Variants in MAEA observed in about 807,000 individuals in gnomAD.
MAEA encodes the protein macrophage erythroblast attacher, E3 ubiquitin ligase.
MAEA carries 22 observed loss-of-function variants against 46.2 expected under a neutral mutation model. The observed-to-expected ratio is 0.48, with a 90% CI of 0.34 to 0.68. The LOEUF is 0.68. Among genes scored for constraint, MAEA ranks in the 30% least tolerant of loss-of-function variants. The pLI is 0.01. For synonymous variants in MAEA, 246 were observed against 222.6 expected (o/e 1.11, Z -0.94); for missense variants, 393 against 558.1 (o/e 0.70, Z 2.98).
intron 3 of MAEA, 43 bp from the exon 4 acceptor site, chr4:1,322,338 T>C (rs766875404): frequency 6.2e-7 from 1 of 1,605,554 alleles, no homozygotes; most frequent in East Asian, 2.2e-5. Context: ...ATGGGGGCCT[T>C]GAGCCAGCAC....
At chr4:1,295,566 C>G (rs1734550374) in intron 1 of MAEA, among the ~76,000 whole-genome samples, 2 of 151,862 alleles carry the variant, frequency 1.3e-5, no homozygotes, top group South Asian at 4.1e-4. Context: ...TCATGCTCGC[C>G]CATGCCTGTC....
In MAEA at chr4:1,339,177, G is replaced by C. The variant is rs745621827; in HGVS notation, c.*8G>C. 1 of 1,611,188 alleles carries C rather than the reference G, an allele frequency of 6.2e-7. No homozygotes were observed. The highest frequency in any genetic ancestry group is 8.5e-7 in the Non-Finnish European group (1 of 1,177,698). On this transcript the variant is annotated 3_prime_UTR_variant, in exon 9 of 9. Coordinates refer to ENST00000303400, the MANE Select transcript of MAEA (RefSeq NM_001017405.3). ...AAGGTGTACATCATGTAGGCCCCACGTCGTGAAGCGCACGCCTCGGGGACG... is the reference window on the plus strand; with the variant it reads ...AAGGTGTACATCATGTAGGCCCCACCTCGTGAAGCGCACGCCTCGGGGACG...
intron 1 of MAEA, among the ~76,000 whole-genome samples, chr4:1,297,270 C>T (rs11931251): frequency 0.15 from 22,366 of 152,166 alleles, 3,125 homozygotes; most frequent in African/African-American, 0.33. Context: ...CTTGAGTCCA[C>T]GATGGCTGCT....
intron 1 of MAEA, among the ~76,000 whole-genome samples, chr4:1,301,226 G>A (rs188882216): frequency 6.6e-6 from 1 of 152,248 alleles, no homozygotes; most frequent in Non-Finnish European, 1.5e-5. Context: ...GCTGGAGAAG[G>A]TTTGAGGAAG....
chr4:1,295,417 T>G (rs1734534946), intron 1 of MAEA, among the ~76,000 whole-genome samples: 1 of 152,032 alleles, frequency 6.6e-6, no homozygotes, highest in African/African-American at 2.4e-5. Context: ...AAGCACCTGC[T>G]GTGCTGATGG....
chr4:1,315,713 T>TC, intron 3 of MAEA, 113 bp downstream of exon 3: 1 of 701,520 alleles, frequency 1.4e-6, no homozygotes, highest in South Asian at 1.7e-5. Flanking sequence ...TGTGTTCCCC[T>TC]CCCCCCACCC....
chr4:1,291,711 A>T (rs942023356), intron 1 of MAEA, among the ~76,000 whole-genome samples: 2 of 152,216 alleles, frequency 1.3e-5, no homozygotes, highest in African/African-American at 4.8e-5. Context: ...TTCATTGTGT[A>T]TTGAAGGAAC....
chr4:1,333,334 T>C (rs1441231192), intron 6 of MAEA, among the ~76,000 whole-genome samples: 1 of 151,466 alleles, frequency 6.6e-6, no homozygotes, highest in African/African-American at 2.4e-5. Context: ...GAGCAGGACC[T>C]TGTCTCCAAA....
chr4:1,330,395 G>T (rs1337197365), intron 5 of MAEA: 2 of 151,852 alleles, frequency 1.3e-5, no homozygotes, highest in African/African-American at 2.4e-5. Flanking sequence ...TCAGCTCACC[G>T]CAACCTCCGC....
intron 1 of MAEA, among the ~76,000 whole-genome samples, chr4:1,305,767 G>T (rs558012757): frequency 2.9e-5 from 2 of 68,896 alleles, no homozygotes; most frequent in Non-Finnish European, 1.0e-4. Flanking sequence ...ACGTGCGCAC[G>T]CGTGCGTGTA....
At chr4:1,309,763 G>T in intron 1 of MAEA, 3 of 1,479,392 alleles carry the variant, frequency 2.0e-6, no homozygotes, top group Non-Finnish European at 2.7e-6. Context: ...TAACCGTGGC[G>T]CGTTCTGGGC....
chr4:1,330,491 AT>A (rs59365533), intron 5 of MAEA: 64,643 of 150,982 alleles, frequency 0.43, 16,281 homozygotes, highest in Admixed American at 0.59. Flanking sequence ...TAATTTTTGT[AT>A]TTTTAGTAGA....
chr4:1,311,875 C>A lies in MAEA; in HGVS notation c.70-104C>A. 4.1e-6 allele frequency: 4 copies of A among 987,290 alleles called. No individual in the cohort carries two copies. Among genetic ancestry groups the A allele is most frequent in the Non-Finnish European group, 6.1e-6 (4 of 658,288 alleles). 61.2% of individuals were successfully genotyped at this position (987,290 alleles called of 1,614,324 possible). ...TGAGACCATGAACCTTCTGAGACTT[C>A]TGCCTCTACAAGTGCCATGAGGAGA... On this transcript the variant is annotated intron_variant, in intron 1 of 8. Transcript: ENST00000303400. The surrounding 1 kb of genome is among the most constrained non-coding windows in gnomAD (Gnocchi z 4.4).
At chr4:1,297,640 G>A (rs1444724761) in intron 1 of MAEA, among the ~76,000 whole-genome samples, 1 of 152,136 alleles carries the variant, frequency 6.6e-6, no homozygotes, top group Non-Finnish European at 1.5e-5. Context: ...GCTTTGGTTG[G>A]GCGTCTCCTT....
intron 5 of MAEA, chr4:1,328,515 G>T (rs1345961545): frequency 7.0e-6 from 5 of 710,068 alleles, no homozygotes; most frequent in Middle Eastern, 9.5e-4. Context: ...TGCTGTGTGG[G>T]GTGTGTGGGC....
At chr4:1,303,337 G>A (rs1267233317) in intron 1 of MAEA, among the ~76,000 whole-genome samples, 1 of 148,182 alleles carries the variant, frequency 6.7e-6, no homozygotes, top group East Asian at 2.0e-4. Context: ...GGGAGGCAGA[G>A]GTTACAGTGA....
At chr4:1,315,348 G>A (rs753487982) in intron 2 of MAEA, 49 bp from the exon 3 acceptor site, 5 of 1,578,510 alleles carry the variant, frequency 3.2e-6, no homozygotes, top group Admixed American at 3.4e-5. Flanking sequence ...TTGGTGCAGG[G>A]CTGCGGGGCA....
At chr4:1,315,284 TA>T in intron 2 of MAEA, 112 bp from the exon 3 acceptor site, 1 of 1,027,750 alleles carries the variant, frequency 9.7e-7, no homozygotes, top group Non-Finnish European at 1.5e-6. Context: ...TTCTGTCCCG[TA>T]ATCCCTGCTT....
intron 1 of MAEA, among the ~76,000 whole-genome samples, chr4:1,301,451 A>G (rs570815751): frequency 2.4e-4 from 36 of 152,400 alleles, no homozygotes; most frequent in African/African-American, 7.9e-4. Flanking sequence ...AAAAGCTGTA[A>G]TGCAACAAAT....
Sources: allele counts gnomAD v4.1 joint callset (sites outside exome capture counted in the v4.1 genomes callset), GRCh38; gene constraint gnomAD v4.1.1; non-coding constraint Gnocchi (gnomAD v3.1); transcripts MANE v1.5; gene names NCBI Gene and HGNC (gene_info 2026-07-23, HGNC 2026-07-21).